The following RPGRIP1L variants were observed in gnomAD, a reference collection of about 807,000 sequenced individuals.
RPGRIP1L encodes the protein RPGRIP1 like.
RPGRIP1L carries 131 observed loss-of-function variants against 160.4 expected under a neutral mutation model. That is an observed-to-expected ratio of 0.82 (90% CI 0.71 to 0.94). The LOEUF is 0.94. Ranked by LOEUF, RPGRIP1L falls within the 40% of genes least tolerant of loss-of-function variation. The pLI is 0.00. For missense variants in RPGRIP1L, 1,522 were observed against 1,535.8 expected, an observed-to-expected ratio of 0.99 and a Z score of 0.15; for synonymous variants, 510 against 515.8, an observed-to-expected ratio of 0.99 and a Z score of 0.15.
At chr16:53,648,912 A>G in intron 16 of RPGRIP1L, 52 bp downstream of exon 16, 1 of 1,495,922 alleles carries the variant, frequency 6.7e-7, no homozygotes, top group Non-Finnish European at 9.3e-7. Flanking sequence ...ACATAAATAA[A>G]TATTATAAAA....
intron 3 of RPGRIP1L, chr16:53,693,220 T>G (rs1970506404): frequency 6.6e-6 from 1 of 152,220 alleles, no homozygotes; most frequent in Non-Finnish European, 1.5e-5. Flanking sequence ...TTTACAAAAT[T>G]GGTCGCACAT....
Position 53,652,549 on chromosome 16 carries a change from G to A in RPGRIP1L, c.2138C>T (p.Thr713Ile), listed in dbSNP as rs1016477709. Residue 713 changes from threonine (T) to isoleucine (I), a missense_variant, in exon 15 of 27, where the codon ACA becomes ATA. By Grantham distance (89) the Thr-to-Ile change is moderately conservative. Transcript: ENST00000647211. ...ILEKSGRIFC[T>I]ASLIGTKGDI... ...ATTGTACTTACCAATCAAACTTGCTGTACAAAATATTCGGCCGCTTTTTTC... is the reference window on the plus strand; with the variant it reads ...ATTGTACTTACCAATCAAACTTGCTATACAAAATATTCGGCCGCTTTTTTC... 6.2e-7 allele frequency: 1 copy of A among 1,611,546 alleles called. No homozygotes were observed. The highest frequency in any genetic ancestry group is 8.5e-7 in the Non-Finnish European group (1 of 1,178,210).
At chr16:53,702,895 C>T (rs1310704073) in intron 1 of RPGRIP1L, among the ~76,000 whole-genome samples, 7 of 152,158 alleles carry the variant, frequency 4.6e-5, no homozygotes, top group Non-Finnish European at 1.0e-4. Flanking sequence ...AAAGGATAAA[C>T]ATCTTGAGAC....
At chr16:53,631,629 T>G (rs1965526270) in intron 22 of RPGRIP1L, among the ~76,000 whole-genome samples, 1 of 152,204 alleles carries the variant, frequency 6.6e-6, no homozygotes, top group Non-Finnish European at 1.5e-5. Flanking sequence ...TTAATCAATG[T>G]ATTATACATC....
chr16:53,693,776 G>C (rs1286990973), intron 3 of RPGRIP1L: 2 of 152,098 alleles, frequency 1.3e-5, no homozygotes, highest in Non-Finnish European at 2.9e-5. Flanking sequence ...AATGAGTTTA[G>C]GGTCCTAAGC....
chr16:53,695,797 T>C, intron 3 of RPGRIP1L: 2 of 330,786 alleles, frequency 6.0e-6, no homozygotes, highest in Non-Finnish European at 1.1e-5. Flanking sequence ...AATAGTTAGT[T>C]ACTTTTTAAA....
chr16:53,657,464 T>G lies in RPGRIP1L; in HGVS notation c.1570A>C (p.Lys524Gln), dbSNP rs1967358936. 1.9e-6 allele frequency: 3 copies of G among 1,608,138 alleles called. No homozygotes were observed. In the African/African-American group the frequency reaches 4.0e-5, roughly 21 times the overall value. Residue 524 changes from lysine to glutamine, a missense_variant, in exon 13 of 27, where the codon AAA becomes CAA. Transcript: ENST00000647211. ...GTGTATTACATTACCTGATAATCTT[T>G]ATTAATTTTGTGTTGCATAATTAGC... is the stretch of plus-strand genomic sequence containing the variant. ...NMLIMQHKIN[K>Q]DYQMEVEAVT...
chr16:53,652,488 A>C (rs756765998), intron 15 of RPGRIP1L, 47 bp downstream of exon 15: 1 of 1,459,658 alleles, frequency 6.9e-7, no homozygotes, highest in East Asian at 2.3e-5. Context: ...ACGATATATA[A>C]ACCAAATTAG....
At chr16:53,672,504 A>G (rs369101011) in intron 8 of RPGRIP1L, among the ~76,000 whole-genome samples, 35 of 152,322 alleles carry the variant, frequency 2.3e-4, no homozygotes, top group African/African-American at 7.9e-4. Flanking sequence ...TACAACAGCC[A>G]TCTCCTCAGA....
intron 22 of RPGRIP1L, among the ~76,000 whole-genome samples, chr16:53,634,439 C>T (rs1451014779): frequency 6.6e-6 from 1 of 152,092 alleles, no homozygotes; most frequent in Admixed American, 6.6e-5. Context: ...TTAAATTTCA[C>T]CTGTTAACAA....
chr16:53,636,985 C>T (rs1250441775), intron 21 of RPGRIP1L, among the ~76,000 whole-genome samples: 1 of 141,754 alleles, frequency 7.1e-6, no homozygotes, highest in African/African-American at 2.8e-5. Flanking sequence ...CACACACACA[C>T]ACTCTTTAAT....
chr16:53,653,796 CT>C (rs1331336326), intron 14 of RPGRIP1L, among the ~76,000 whole-genome samples: 13 of 152,288 alleles, frequency 8.5e-5, no homozygotes, highest in East Asian at 3.9e-4. Context: ...ATCTCATCAA[CT>C]TTTATGACTT....
chr16:53,657,619 TG>T lies in RPGRIP1L; in HGVS notation c.1414del (p.Gln472LysfsTer9). 6.3e-7 allele frequency: 1 copy of T among 1,579,918 alleles called. No individual in the cohort carries two copies. Among genetic ancestry groups the T allele is most frequent in the Non-Finnish European group, 8.6e-7 (1 of 1,158,174 alleles). On this transcript the variant is annotated frameshift_variant, in exon 13 of 27. Coordinates refer to ENST00000647211, the MANE Select transcript of RPGRIP1L (RefSeq NM_015272.5). LOFTEE classifies it high-confidence loss of function. ...ALLLIKAQKE[Q>X]KNGDLSFLVK... ...TAAAAAGGAAAGGTCTCCATTTTTTTGTTCTTTTTGAGCCTAAAATAAAAAA... is the reference window on the plus strand; with the variant it reads ...TAAAAAGGAAAGGTCTCCATTTTTTTTTCTTTTTGAGCCTAAAATAAAAAA...
chr16:53,689,967 GA>G (rs1970275827), intron 4 of RPGRIP1L, among the ~76,000 whole-genome samples: 1 of 152,120 alleles, frequency 6.6e-6, no homozygotes, highest in Non-Finnish European at 1.5e-5. Context: ...GCTATAGGGA[GA>G]AACTTCCAGC....
At chr16:53,605,980 G>T (rs997794856) in intron 25 of RPGRIP1L, among the ~76,000 whole-genome samples, 1 of 152,170 alleles carries the variant, frequency 6.6e-6, no homozygotes, top group African/African-American at 2.4e-5. Flanking sequence ...GACCATGGAG[G>T]TTAAATGGTC....
intron 2 of RPGRIP1L, among the ~76,000 whole-genome samples, chr16:53,699,551 T>G (rs1971202156): frequency 6.6e-6 from 1 of 152,188 alleles, no homozygotes; most frequent in Admixed American, 6.5e-5. Flanking sequence ...CAAAACCCAA[T>G]AAATCACTTT....
chr16:53,625,392 G>T (rs979755151), intron 22 of RPGRIP1L, among the ~76,000 whole-genome samples: 20 of 150,788 alleles, frequency 1.3e-4, no homozygotes, highest in Admixed American at 9.2e-4. Context: ...GGGAACTGGG[G>T]GGGGCGCCTC....
chr16:53,678,080 G>A (rs954323711), intron 6 of RPGRIP1L, among the ~76,000 whole-genome samples: 3 of 150,700 alleles, frequency 2.0e-5, no homozygotes, highest in Admixed American at 6.6e-5. Flanking sequence ...TTTTCATCAA[G>A]GATTTTGAAA....
intron 25 of RPGRIP1L, among the ~76,000 whole-genome samples, chr16:53,608,295 T>G (rs1963813250): frequency 6.6e-6 from 1 of 152,362 alleles, no homozygotes; most frequent in South Asian, 2.1e-4. Flanking sequence ...TACTGAGGAT[T>G]CACTGAATTT....
Sources: allele counts gnomAD v4.1 joint callset (sites outside exome capture counted in the v4.1 genomes callset), GRCh38; gene constraint gnomAD v4.1.1; transcripts MANE v1.5; gene names NCBI Gene and HGNC (gene_info 2026-07-23, HGNC 2026-07-21).